The following GAB3 variants were observed in gnomAD, a reference collection of about 807,000 sequenced individuals.
GAB3 encodes GRB2 associated binding protein 3.
Under a neutral mutation model 40.4 loss-of-function variants are expected in GAB3, and 12 were observed. The ratio of observed to expected loss-of-function variants is 0.30; its 90% CI spans 0.19 to 0.48. The LOEUF (loss-of-function observed/expected upper bound fraction) is 0.48. Among genes scored for constraint, GAB3 ranks in the 20% least tolerant of loss-of-function variants. The probability of loss-of-function intolerance (pLI) is 0.99; values close to 1 mark genes in which losing one functional copy is unlikely to be tolerated. For missense variants in GAB3, 381 were observed against 461.9 expected, an observed-to-expected ratio of 0.82 and a Z score of 1.61; for synonymous variants, 154 against 176.7, an observed-to-expected ratio of 0.87 and a Z score of 1.02.
intron 8 of GAB3, among the ~76,000 whole-genome samples, chrX:154,688,954 C>A (rs2070504150): frequency 9.0e-6 from 1 of 111,034 alleles, no homozygotes; most frequent in Non-Finnish European, 1.9e-5. Context: ...CGGGCAGAGA[C>A]ACAACAAAAA....
intron 8 of GAB3, among the ~76,000 whole-genome samples, chrX:154,694,976 T>G (rs141384183): frequency 1.2e-3 from 132 of 112,248 alleles, no homozygotes; most frequent in African/African-American, 4.2e-3. Context: ...TTGAATAAAA[T>G]AAGAAGGTAA....
At chrX:154,696,514 T>C (rs890097597) in intron 7 of GAB3, among the ~76,000 whole-genome samples, 1 of 111,366 alleles carries the variant, frequency 9.0e-6, no homozygotes. Flanking sequence ...AATTGTGTTT[T>C]GTGGCATTTA....
chrX:154,699,608 A>T (rs1557251701), intron 5 of GAB3, 95 bp from the exon 6 acceptor site: 2 of 700,617 alleles, frequency 2.9e-6, no homozygotes, highest in Non-Finnish European at 2.1e-6. Context: ...TTCAGTTCCA[A>T]ATTATCCAAG....
At chrX:154,739,483 T>G (rs1439089900) in intron 1 of GAB3, among the ~76,000 whole-genome samples, 2 of 112,206 alleles carry the variant, frequency 1.8e-5, no homozygotes, top group Non-Finnish European at 3.8e-5. Context: ...AGAAAAAAGA[T>G]GAACTCTGGC....
intron 4 of GAB3, among the ~76,000 whole-genome samples, chrX:154,710,455 T>A (rs1320618801): frequency 1.8e-4 from 20 of 111,720 alleles, no homozygotes; most frequent in African/African-American, 6.5e-4. Flanking sequence ...ACAAGTAGGC[T>A]CCAAGGGATA....
At chrX:154,713,740 A>AATAT (rs2070994694) in intron 2 of GAB3, among the ~76,000 whole-genome samples, 1 of 19,434 alleles carries the variant, frequency 5.1e-5, no homozygotes, top group East Asian at 2.2e-3. Context: ...TCAACTAACA[A>AATAT]ACATATATAT....
chrX:154,696,801 G>A (rs185740360), intron 7 of GAB3, among the ~76,000 whole-genome samples: 1,665 of 112,100 alleles, frequency 0.015, 90 homozygotes, highest in Admixed American at 0.14. Flanking sequence ...AAGTTCAGGG[G>A]GTATGGTACA....
chrX:154,697,307 A>T, intron 6 of GAB3, 94 bp from the exon 7 acceptor site: 1 of 565,165 alleles, frequency 1.8e-6, no homozygotes, highest in Admixed American at 3.7e-5. Flanking sequence ...CCAAATCCAC[A>T]TTTACTAACA....
chrX:154,721,785 A>G (rs1046288054), intron 1 of GAB3, among the ~76,000 whole-genome samples: 3 of 112,253 alleles, frequency 2.7e-5, no homozygotes, highest in Non-Finnish European at 5.6e-5. Context: ...GGGTGTGGAG[A>G]AAAGGAAACC....
At chrX:154,749,502 T>C (rs2071579654) in intron 1 of GAB3, among the ~76,000 whole-genome samples, 1 of 112,311 alleles carries the variant, frequency 8.9e-6, no homozygotes, top group Non-Finnish European at 1.9e-5. Flanking sequence ...TCTTGCCTCC[T>C]TTGAGTAGCT....
chrX:154,715,244 A>T (rs1345440876), intron 2 of GAB3, among the ~76,000 whole-genome samples: 1 of 112,229 alleles, frequency 8.9e-6, no homozygotes, highest in African/African-American at 3.2e-5. Flanking sequence ...TACTAGACTA[A>T]GAGGCTAAAA....
intron 1 of GAB3, among the ~76,000 whole-genome samples, chrX:154,743,548 A>T (rs187320165): frequency 8.9e-6 from 1 of 112,243 alleles, no homozygotes. Flanking sequence ...TTTATAGCAC[A>T]TGTAAAAGTA....
intron 6 of GAB3, among the ~76,000 whole-genome samples, chrX:154,697,578 C>G (rs2070680218): frequency 8.9e-6 from 1 of 111,881 alleles, no homozygotes; most frequent in African/African-American, 3.3e-5. Context: ...GAAATGTTAC[C>G]TTTCTTATCA....
rs2070309205 is a variant in GAB3, at chrX:154,677,254, G to C, written c.*924C>G. Reference sequence around the variant, plus strand: ...CTGTTCAGATCCCTATTGAAAGGGAGACAGGATGACTACTCATTTTGTGTC... The same window carrying C: ...CTGTTCAGATCCCTATTGAAAGGGACACAGGATGACTACTCATTTTGTGTC... On this transcript the variant is annotated 3_prime_UTR_variant, in exon 10 of 10. Transcript: ENST00000424127. The C allele has an allele frequency of 8.9e-6, 1 of 111,971 alleles. No individual in the cohort carries two copies. The highest frequency in any genetic ancestry group is 1.9e-5 in the Non-Finnish European group (1 of 53,154). The allele number at this position is 111,971 out of a possible 1,213,427, so 9.2% of individuals were successfully genotyped here.
At position 154,716,293 on chromosome X, in the gene GAB3, G is replaced by A. The variant is rs782399192; in HGVS notation, c.109C>T (p.Arg37Cys). The A allele has an allele frequency of 6.6e-6, 8 of 1,211,941 alleles. No homozygotes were observed. Among genetic ancestry groups the A allele is most frequent in the South Asian group, 3.5e-5 (2 of 57,004 alleles). The part of the protein sequence containing the change: ...RKRWFVLRRG[R>C]MSGNPDVLEY... ...AAGACATCGGGGTTGCCGCTCATGC[G>A]GCCTCGCCGGAGGACAAACCAGCGC... The change falls in exon 2 of 10, where the codon CGC (arginine) becomes TGC (cysteine). Residue 37 changes from arginine to cysteine, a missense_variant. Transcript: ENST00000424127.
At chrX:154,737,293 G>A (rs1408016879) in intron 1 of GAB3, among the ~76,000 whole-genome samples, 1 of 111,451 alleles carries the variant, frequency 9.0e-6, no homozygotes, top group African/African-American at 3.3e-5. Context: ...GAGGAAAGGC[G>A]GGTGACTGGC....
chrX:154,743,809 AAAG>A (rs1557261625), intron 1 of GAB3, among the ~76,000 whole-genome samples: 1 of 112,117 alleles, frequency 8.9e-6, no homozygotes, highest in East Asian at 2.8e-4. Flanking sequence ...ACTGAGGAGA[AAAG>A]AAACAAAGAA....
intron 1 of GAB3, among the ~76,000 whole-genome samples, chrX:154,741,940 C>T (rs1047154794): frequency 1.8e-5 from 2 of 111,468 alleles, no homozygotes; most frequent in African/African-American, 3.3e-5. Context: ...CAATTACCTC[C>T]ACTTGGTCCT....
chrX:154,743,642 T>C lies in GAB3; in HGVS notation c.72+7312A>G, dbSNP rs782118534. Among the ~76,000 whole-genome samples the C allele has an allele frequency of 1.4e-4, 16 of 110,797 alleles. No individual in the cohort carries two copies. In the East Asian group the frequency reaches 4.2e-3, roughly 29 times the overall value. On this transcript the variant is annotated intron_variant, in intron 1 of 9. Transcript: ENST00000424127. ...TGTCCTTATACTACTAATATTATAA[T>C]GATATAATATTATTTAAAGGAAGTC... is the stretch of plus-strand genomic sequence containing the variant.
Sources: allele counts gnomAD v4.1 joint callset (sites outside exome capture counted in the v4.1 genomes callset), GRCh38; gene constraint gnomAD v4.1.1; transcripts MANE v1.5; gene names NCBI Gene and HGNC (gene_info 2026-07-23, HGNC 2026-07-21).